ATP13A3: variants seen among roughly 807,000 people sequenced by gnomAD.
ATP13A3 encodes ATPase 13A3, also known as polyamine-transporting ATPase 13A3.
ATP13A3 carries 59 observed loss-of-function variants against 158.1 expected under a neutral mutation model. The observed-to-expected ratio is 0.37, with a 90% confidence interval of 0.30 to 0.46. The LOEUF (loss-of-function observed/expected upper bound fraction) is 0.46. Ranked by LOEUF, ATP13A3 falls within the 20% of genes least tolerant of loss-of-function variation. The pLI is 1.00. For missense variants in ATP13A3, 1,166 were observed against 1,525.2 expected, an observed-to-expected ratio of 0.76 and a Z score of 3.92; for synonymous variants, 491 against 504.3, an observed-to-expected ratio of 0.97 and a Z score of 0.35.
chr3:194,458,318 G>A (rs1193064343), intron 6 of ATP13A3, among the ~76,000 whole-genome samples: 2 of 151,274 alleles, frequency 1.3e-5, no homozygotes, highest in Non-Finnish European at 2.9e-5. Flanking sequence ...TCTCCAGAAG[G>A]CAGCAGGGGC....
Position 194,435,155 on chromosome 3 carries a change from A to T in ATP13A3, c.2121-1259T>A, listed in dbSNP as rs927776544. Among the ~76,000 whole-genome samples the T allele has an allele frequency of 3.8e-4, 58 of 152,302 alleles. No homozygotes were observed. In the Middle Eastern group the frequency reaches 0.02, roughly 54 times the overall value. On this transcript the variant is annotated intron_variant, in intron 20 of 33. Coordinates refer to ENST00000645319, the MANE Select transcript of ATP13A3 (RefSeq NM_001367549.1). ...ACCTAATTTCTAACAATGGGTGGTA[A>T]GGATATTAGAGAATAGTTGAGAAAA...
At chr3:194,437,978 G>C (rs950558456) in intron 17 of ATP13A3, among the ~76,000 whole-genome samples, 1 of 152,238 alleles carries the variant, frequency 6.6e-6, no homozygotes, top group Non-Finnish European at 1.5e-5. Flanking sequence ...TTATCAACAT[G>C]GTGAAACCCC....
At position 194,459,782 on chromosome 3, in the gene ATP13A3, A is replaced by G. The variant is rs376588462; in HGVS notation, c.408+7T>C. ...TTAAAGAAACTTTGACATTAAGATCACAATACCTGTTGTGATTCAGTCTGT... is the reference window on the plus strand; with the variant it reads ...TTAAAGAAACTTTGACATTAAGATCGCAATACCTGTTGTGATTCAGTCTGT... On this transcript the variant is annotated splice_region_variant and intron_variant, in intron 5 of 33. Coordinates refer to ENST00000645319, the MANE Select transcript of ATP13A3 (RefSeq NM_001367549.1). The G allele has an allele frequency of 3.1e-4, 492 of 1,597,978 alleles. 3 individuals are homozygous for G. The South Asian group carries it at 4.4e-3, about 14-fold the overall frequency.
chr3:194,447,501 T>C (rs1019444276), intron 13 of ATP13A3, among the ~76,000 whole-genome samples: 5 of 152,060 alleles, frequency 3.3e-5, no homozygotes, highest in Non-Finnish European at 7.4e-5. Flanking sequence ...CAAATCATTT[T>C]AACACTGTAT....
At chr3:194,428,978 G>A (rs927893146) in intron 27 of ATP13A3, 61 bp from the exon 28 acceptor site, 16 of 1,137,372 alleles carry the variant, frequency 1.4e-5, no homozygotes, top group Admixed American at 2.5e-5. Context: ...AGCGTCCCCA[G>A]GTTTTATTAA....
chr3:194,490,515 G>A (rs116688122), upstream of ATP13A3, among the ~76,000 whole-genome samples: 4,612 of 152,180 alleles, frequency 0.03, 243 homozygotes, highest in African/African-American at 0.11. The surrounding 1 kb of genome is among the most constrained non-coding windows in gnomAD (Gnocchi z 4.4). Flanking sequence ...CTCAGCCTCC[G>A]CAGGTGCTTC....
chr3:194,409,635 G>A (rs1402334367), intron 33 of ATP13A3, among the ~76,000 whole-genome samples: 1 of 150,186 alleles, frequency 6.7e-6, no homozygotes, highest in Non-Finnish European at 1.5e-5. Context: ...GTAGGTCAAG[G>A]GTAGAATTCA....
At chr3:194,424,980 C>T (rs1020682755) in intron 30 of ATP13A3, among the ~76,000 whole-genome samples, 3 of 152,160 alleles carry the variant, frequency 2.0e-5, no homozygotes, top group Non-Finnish European at 4.4e-5. Flanking sequence ...TAACTCCCTC[C>T]GCAGTGGGCT....
intron 31 of ATP13A3, among the ~76,000 whole-genome samples, chr3:194,414,486 C>A (rs961178523): frequency 7.4e-5 from 11 of 148,530 alleles, no homozygotes; most frequent in Non-Finnish European, 1.2e-4. Flanking sequence ...AGGTACCAAT[C>A]TAATAACGAA....
At chr3:194,478,694 G>C (rs1406711816) in intron 2 of ATP13A3, among the ~76,000 whole-genome samples, 1 of 152,160 alleles carries the variant, frequency 6.6e-6, no homozygotes, top group Non-Finnish European at 1.5e-5. Context: ...AGGTGATGGA[G>C]ATTCTGAACT....
At chr3:194,426,751 C>T (rs1577041886) in intron 29 of ATP13A3, among the ~76,000 whole-genome samples, 2 of 152,296 alleles carry the variant, frequency 1.3e-5, no homozygotes, top group East Asian at 3.9e-4. Flanking sequence ...ACCTCTGCCT[C>T]CCAGGTTCAA....
In ATP13A3 at chr3:194,441,193, T is replaced by A. The variant is rs1180223049; in HGVS notation, c.1710+118A>T. 12 of 783,548 alleles carry A rather than the reference T, an allele frequency of 1.5e-5. No individual in the cohort carries two copies. The Admixed American group carries it at 2.4e-4, about 15-fold the overall frequency. 48.5% of individuals were successfully genotyped at this position (783,548 alleles called of 1,614,324 possible). On this transcript the variant is annotated intron_variant, in intron 16 of 33. Coordinates refer to ENST00000645319, the MANE Select transcript of ATP13A3 (RefSeq NM_001367549.1). ...GCTTTAGAAATTACATAGCTCCTTT[T>A]AGGGTACAAGATAGACTGTCATTAA...
At chr3:194,421,562 A>G (rs1716380538) in intron 30 of ATP13A3, among the ~76,000 whole-genome samples, 1 of 151,474 alleles carries the variant, frequency 6.6e-6, no homozygotes, top group South Asian at 2.1e-4. Context: ...CAAAAAAAAA[A>G]AAAAAAAAAA....
In ATP13A3 at chr3:194,450,205, T is replaced by A; in HGVS notation, c.910A>T (p.Met304Leu). The part of the protein sequence containing the change: ...VMVIPLNGTI[M>L]PCDAVLINGT... The stretch of plus-strand genomic sequence containing the variant: ...TTAATAAGCACAGCATCACAAGGCA[T>A]TATTGTCCCATTTAATGGAATGACC... The change falls in exon 11 of 34, where the codon ATG becomes TTG. Residue 304 changes from methionine (M) to leucine (L), a missense_variant. Physicochemically the swap from Met to Leu is conservative, Grantham distance 15. Transcript: ENST00000645319. 1 of 1,613,846 alleles carries A rather than the reference T, an allele frequency of 6.2e-7. No homozygotes were observed. The highest frequency in any genetic ancestry group is 8.5e-7 in the Non-Finnish European group (1 of 1,179,762).
intron 30 of ATP13A3, among the ~76,000 whole-genome samples, chr3:194,421,944 C>CAAAAAAAAAAAAAAAAAAAAAAA (rs397972334): frequency 3.1e-5 from 3 of 97,482 alleles, no homozygotes; most frequent in African/African-American, 1.3e-4. Flanking sequence ...GTGTCGTTGG[C>CAAAAAAAAAAAAAAAAAAAAAAA]AAAAAAAAAA....
At chr3:194,458,072 C>T (rs964101574) in intron 6 of ATP13A3, among the ~76,000 whole-genome samples, 5 of 152,006 alleles carry the variant, frequency 3.3e-5, no homozygotes, top group Admixed American at 6.6e-5. Context: ...AGGCATGAGC[C>T]ACCACCCCCC....
intron 16 of ATP13A3, among the ~76,000 whole-genome samples, chr3:194,439,235 A>T (rs1717875542): frequency 6.6e-6 from 1 of 152,214 alleles, no homozygotes; most frequent in Non-Finnish European, 1.5e-5. Flanking sequence ...GAATAAAGAA[A>T]TAGAAACTGA....
At chr3:194,423,790 T>C (rs1461484421) in intron 30 of ATP13A3, among the ~76,000 whole-genome samples, 6 of 152,192 alleles carry the variant, frequency 3.9e-5, no homozygotes, top group African/African-American at 7.2e-5. Context: ...TCCAAACATA[T>C]AGAAGATGCA....
intron 8 of ATP13A3, among the ~76,000 whole-genome samples, chr3:194,454,691 T>C (rs751228481): frequency 1.3e-5 from 2 of 152,028 alleles, no homozygotes; most frequent in East Asian, 1.9e-4. Context: ...TAGCTGGGCA[T>C]GGTGGCAGGC....
Sources: allele counts gnomAD v4.1 joint callset (sites outside exome capture counted in the v4.1 genomes callset), GRCh38; gene constraint gnomAD v4.1.1; non-coding constraint Gnocchi (gnomAD v3.1); transcripts MANE v1.5; gene names NCBI Gene and HGNC (gene_info 2026-07-23, HGNC 2026-07-21).